APEX1: variants seen among roughly 807,000 people sequenced by gnomAD.
APEX1 encodes the protein apurinic/apyrimidinic endodeoxyribonuclease 1.
A neutral mutation model predicts 33.2 loss-of-function variants in APEX1; 32 were observed. The ratio of observed to expected loss-of-function variants is 0.96; its 90% CI spans 0.73 to 1.29. APEX1 has a LOEUF of 1.29. Among genes scored for constraint, APEX1 ranks in the 50% most tolerant of loss-of-function variants. The pLI is 0.00. For synonymous variants in APEX1, 175 were observed against 156.6 expected (o/e 1.12, Z -0.88); for missense variants, 442 against 395.6 (o/e 1.12, Z -0.99).
intron 1 of APEX1, 57 bp from the exon 2 acceptor site, chr14:20,455,521 T>C: frequency 2.0e-6 from 3 of 1,524,994 alleles, no homozygotes; most frequent in Non-Finnish European, 2.7e-6. Context: ...GGGGACGCTC[T>C]TGGGAGGAGT....
In APEX1 at chr14:20,457,159, A is replaced by G; in HGVS notation, c.608A>G (p.Lys203Arg). 2 of 1,614,188 alleles carry G rather than the reference A, an allele frequency of 1.2e-6. No homozygotes were observed. The highest frequency in any genetic ancestry group is 1.7e-6 in the Non-Finnish European group (2 of 1,180,036). The stretch of plus-strand genomic sequence containing the variant: ...TTCCTGAAGGGCCTGGCTTCCCGAA[A>G]GCCCCTTGTGCTGTGTGGAGACCTC... The part of the protein sequence containing the change: ...RKFLKGLASR[K>R]PLVLCGDLNV... Residue 203 changes from lysine (K) to arginine (R), a missense_variant, in exon 5 of 5, where the codon AAG (lysine) becomes AGG (arginine). Lys to Arg is a conservative substitution (Grantham distance 26). Coordinates refer to ENST00000216714, the MANE Select transcript of APEX1 (RefSeq NM_001641.4).
In APEX1 at chr14:20,456,671, G is replaced by C; in HGVS notation, c.250G>C (p.Val84Leu). 6.2e-7 allele frequency: 1 copy of C among 1,613,786 alleles called. No homozygotes were observed. Among genetic ancestry groups the C allele is most frequent in the Non-Finnish European group, 8.5e-7 (1 of 1,179,700 alleles). Residue 84 changes from valine (V) to leucine (L), a missense_variant, in exon 4 of 5, where the codon GTA (valine) becomes CTA (leucine). By Grantham distance (32) the Val-to-Leu change is conservative (BLOSUM62 1). Coordinates refer to ENST00000216714, the MANE Select transcript of APEX1 (RefSeq NM_001641.4). ...CCACCTTTCTTTTCACTTACAGTGG[G>C]TAAAGGAAGAAGCCCCAGATATACT... ...AWIKKKGLDW[V>L]KEEAPDILCL...
intron 1 of APEX1, 52 bp from the exon 2 acceptor site, chr14:20,455,526 A>G: frequency 6.5e-7 from 1 of 1,540,988 alleles, no homozygotes; most frequent in Non-Finnish European, 8.9e-7. Flanking sequence ...CGCTCTTGGG[A>G]GGAGTCTTCT....
Position 20,457,182 on chromosome 14 carries a change from C to A in APEX1, c.631C>A (p.Leu211Ile). The A allele has an allele frequency of 6.2e-7, 1 of 1,614,168 alleles. No individual in the cohort carries two copies. Among genetic ancestry groups the A allele is most frequent in the Non-Finnish European group, 8.5e-7 (1 of 1,180,036 alleles). The part of the protein sequence containing the change: ...SRKPLVLCGD[L>I]NVAHEEIDLR... ...AAAGCCCCTTGTGCTGTGTGGAGAC[C>A]TCAATGTGGCACATGAAGAAATTGA... is the stretch of plus-strand genomic sequence containing the variant. The change falls in exon 5 of 5, where the codon CTC becomes ATC. Residue 211 changes from leucine (L) to isoleucine (I), a missense_variant. Transcript: ENST00000216714.
intron 1 of APEX1, 88 bp downstream of exon 1, chr14:20,455,482 A>G: frequency 8.9e-7 from 1 of 1,122,608 alleles, no homozygotes; most frequent in Non-Finnish European, 1.3e-6. Context: ...ATTTAGAGAT[A>G]ACGTGGTTTG....
In APEX1 at chr14:20,455,357, G is replaced by A. The variant is rs1881266107; in HGVS notation, c.-106G>A. The A allele has an allele frequency of 1.9e-6, 1 of 532,748 alleles. No individual in the cohort carries two copies. The highest frequency in any genetic ancestry group is 3.4e-6 in the Non-Finnish European group (1 of 295,906). 33.0% of individuals were successfully genotyped at this position (532,748 alleles called of 1,614,324 possible). ...AGCTTGAGTCAGGACCCTTAATTAA[G>A]ATCCTCAATTGGCTGGAGGGCAGAT... On this transcript the variant is annotated 5_prime_UTR_variant, in exon 1 of 5. Transcript: ENST00000216714.
Position 20,456,034 on chromosome 14 carries a change from C to T in APEX1, c.179C>T (p.Ala60Val), listed in dbSNP as rs373098874. The T allele has an allele frequency of 1.2e-5, 20 of 1,614,180 alleles. No homozygotes were observed. The African/African-American group carries it at 2.3e-4, about 18-fold the overall frequency. Reference sequence around the variant, plus strand: ...AAAACCTCACCCAGTGGCAAACCTGCCACACTCAAGATCTGCTCTTGGAAT... The same window carrying T: ...AAAACCTCACCCAGTGGCAAACCTGTCACACTCAAGATCTGCTCTTGGAAT... ...DQKTSPSGKP[A>V]TLKICSWNVD... The change falls in exon 3 of 5, where the codon GCC (alanine) becomes GTC (valine). Residue 60 changes from alanine to valine, a missense_variant. Physicochemically the swap from Ala to Val is moderately conservative, Grantham distance 64. Coordinates refer to ENST00000216714, the MANE Select transcript of APEX1 (RefSeq NM_001641.4).
Position 20,457,097 on chromosome 14 carries a change from G to A in APEX1, c.546G>A (p.Leu182=), listed in dbSNP as rs1386127190. The change falls in exon 5 of 5, where the codon CTG becomes CTA. Residue 182 remains leucine, a synonymous_variant. Transcript: ENST00000216714. ...VPNAGRGLVR[L]EYRQRWDEAF... ...ATGCAGGCCGAGGTCTGGTACGACT[G>A]GAGTACCGGCAGCGCTGGGATGAAG... 5 of 1,614,234 alleles carry A rather than the reference G, an allele frequency of 3.1e-6. No homozygotes were observed. The highest frequency in any genetic ancestry group is 4.2e-6 in the Non-Finnish European group (5 of 1,180,046).
At chr14:20,456,618 A>G (rs1881374756) in intron 3 of APEX1, 50 bp from the exon 4 acceptor site, 1 of 1,548,770 alleles carries the variant, frequency 6.5e-7, no homozygotes, top group Non-Finnish European at 8.9e-7. Context: ...TATTCAATAA[A>G]TGTTCTGCTG....
At position 20,456,776 on chromosome 14, in the gene APEX1, T is replaced by C. The variant is rs1408678316; in HGVS notation, c.355T>C (p.Trp119Arg). 4 of 1,614,120 alleles carry C rather than the reference T, an allele frequency of 2.5e-6. No individual in the cohort carries two copies. The highest frequency in any genetic ancestry group is 3.4e-6 in the Non-Finnish European group (4 of 1,180,048). The change falls in exon 4 of 5, where the codon TGG becomes CGG. Residue 119 changes from tryptophan to arginine, a missense_variant. Trp to Arg is a moderately radical substitution (Grantham distance 101). Coordinates refer to ENST00000216714, the MANE Select transcript of APEX1 (RefSeq NM_001641.4). The stretch of plus-strand genomic sequence containing the variant: ...GCTGCCTGGACTCTCTCATCAATAC[T>C]GGTCAGCTCCTTCGGACAAGGAAGG... Reference protein sequence around the residue: ...QELPGLSHQYWSAPSDKEGYS... With the variant: ...QELPGLSHQYRSAPSDKEGYS...
At position 20,455,984 on chromosome 14, in the gene APEX1, C is replaced by T; in HGVS notation, c.129C>T (p.Ala43=). Residue 43 remains alanine (A), a synonymous_variant, in exon 3 of 5, where the codon GCC becomes GCT. Transcript: ENST00000216714. ...NDKEAAGEGP[A]LYEDPPDQKT... ...AAGAGGCAGCAGGAGAGGGCCCAGC[C>T]CTGTATGAGGACCCCCCAGATCAGA... 1 of 1,614,102 alleles carries T rather than the reference C, an allele frequency of 6.2e-7. No individual in the cohort carries two copies. The highest frequency in any genetic ancestry group is 8.5e-7 in the Non-Finnish European group (1 of 1,180,034).
chr14:20,455,476 A>T, intron 1 of APEX1, 82 bp downstream of exon 1: 1 of 1,061,870 alleles, frequency 9.4e-7, no homozygotes, highest in Non-Finnish European at 1.4e-6. Context: ...GAAAGGATTT[A>T]GAGATAACGT....
Position 20,457,400 on chromosome 14 carries a change from T to G in APEX1, c.849T>G (p.Asp283Glu), listed in dbSNP as rs1195437796. The part of the protein sequence containing the change: ...ARSKNVGWRL[D>E]YFLLSHSLLP... ...CCAAGAATGTTGGTTGGCGCCTTGA[T>G]TACTTTTTGTTGTCCCACTCTCTGT... Residue 283 changes from aspartate (D) to glutamate (E), a missense_variant, in exon 5 of 5, where the codon GAT becomes GAG. Transcript: ENST00000216714. 6.2e-7 allele frequency: 1 copy of G among 1,614,102 alleles called. No individual in the cohort carries two copies. The highest frequency in any genetic ancestry group is 8.5e-7 in the Non-Finnish European group (1 of 1,180,046).
rs767608931 is a variant in APEX1 at position 20,456,002 on chromosome 14, A to C, written c.147A>C (p.Pro49=). Residue 49 remains proline (P), a synonymous_variant, in exon 3 of 5, where the codon CCA becomes CCC. Coordinates refer to ENST00000216714, the MANE Select transcript of APEX1 (RefSeq NM_001641.4). ...GCCCAGCCCTGTATGAGGACCCCCC[A>C]GATCAGAAAACCTCACCCAGTGGCA... ...GEGPALYEDP[P]DQKTSPSGKP... 1.9e-6 allele frequency: 3 copies of C among 1,614,130 alleles called. No homozygotes were observed. The African/African-American group carries it at 4.0e-5, about 22-fold the overall frequency.
chr14:20,456,630 A>T (rs1881376163), intron 3 of APEX1, 38 bp from the exon 4 acceptor site: 1 of 1,574,810 alleles, frequency 6.3e-7, no homozygotes, highest in Admixed American at 1.7e-5. Context: ...GTTCTGCTGA[A>T]TTGATAATAC....
chr14:20,456,722 G>C lies in APEX1; in HGVS notation c.301G>C (p.Glu101Gln). Residue 101 changes from glutamate (E) to glutamine (Q), a missense_variant, in exon 4 of 5, where the codon GAG becomes CAG. Transcript: ENST00000216714. ...GTGCCTTCAAGAGACCAAATGTTCA[G>C]AGAACAAACTACCAGCTGAACTTCA... is the stretch of plus-strand genomic sequence containing the variant. Reference protein sequence around the residue: ...ILCLQETKCSENKLPAELQEL... With the variant: ...ILCLQETKCSQNKLPAELQEL... 6.2e-7 allele frequency: 1 copy of C among 1,614,224 alleles called. No homozygotes were observed. Among genetic ancestry groups the C allele is most frequent in the South Asian group, 1.1e-5 (1 of 91,092 alleles).
In APEX1 at chr14:20,457,193, A is replaced by G. The variant is rs1043297286; in HGVS notation, c.642A>G (p.Ala214=). ...TGCTGTGTGGAGACCTCAATGTGGC[A>G]CATGAAGAAATTGACCTTCGCAACC... ...PLVLCGDLNV[A]HEEIDLRNPK... The change falls in exon 5 of 5, where the codon GCA becomes GCG. Residue 214 remains alanine, a synonymous_variant. Coordinates refer to ENST00000216714, the MANE Select transcript of APEX1 (RefSeq NM_001641.4). The G allele has an allele frequency of 5.6e-6, 9 of 1,614,090 alleles. No homozygotes were observed. The Admixed American group carries it at 8.3e-5, about 15-fold the overall frequency.
Position 20,456,179 on chromosome 14 carries a change from AG to A in APEX1, c.246+79del. The A allele has an allele frequency of 2.0e-6, 3 of 1,526,794 alleles. No individual in the cohort carries two copies. The South Asian group carries it at 3.4e-5, about 17-fold the overall frequency. The allele number at this position is 1,526,794 out of a possible 1,614,324, so 94.6% of individuals were successfully genotyped here. ...GTTTAGTCACCCCTTTTCTCCGTTT[AG>A]CCTTCAGGCTGTTTTATTTTTCTCC... On this transcript the variant is annotated intron_variant, in intron 3 of 4. Coordinates refer to ENST00000216714, the MANE Select transcript of APEX1 (RefSeq NM_001641.4).
At position 20,457,640 on chromosome 14, in the gene APEX1, G is replaced by A; in HGVS notation, c.*132G>A. 7.6e-7 allele frequency: 1 copy of A among 1,315,496 alleles called. No homozygotes were observed. Among genetic ancestry groups the A allele is most frequent in the Admixed American group, 1.8e-5 (1 of 56,070 alleles). The allele number at this position is 1,315,496 out of a possible 1,614,324, so 81.5% of individuals were successfully genotyped here. On this transcript the variant is annotated 3_prime_UTR_variant, in exon 5 of 5. Coordinates refer to ENST00000216714, the MANE Select transcript of APEX1 (RefSeq NM_001641.4). ...CTAGGAATCCTCCAACCAGGCTCCT[G>A]TGATAGAGTTCTTTTAAGCCCAAGA...
Sources: gnomAD v4.1 joint callset for allele counts on GRCh38, gnomAD v4.1.1 for gene constraint, MANE v1.5 for transcripts, NCBI Gene and HGNC (gene_info 2026-07-23, HGNC 2026-07-21) for gene names.